The following COMMD1 variants were observed in gnomAD, a reference collection of about 807,000 sequenced individuals.
The protein encoded by COMMD1 is copper metabolism domain containing 1, also known as COMM domain-containing protein 1.
Under a neutral mutation model 17.2 loss-of-function variants are expected in COMMD1, and 10 were observed. The ratio of observed to expected loss-of-function variants is 0.58; its 90% CI spans 0.36 to 0.99. The LOEUF is 0.99. Among genes scored for constraint, COMMD1 ranks in the 50% least tolerant of loss-of-function variants. The pLI, the probability that COMMD1 is intolerant of heterozygous loss-of-function variation, is 0.01. For synonymous variants in COMMD1, 97 were observed against 91.6 expected (o/e 1.06, Z -0.34); for missense variants, 270 against 231.8 (o/e 1.17, Z -1.07).
At chr2:62,085,221 A>AT (rs36006181) in intron 2 of COMMD1, among the ~76,000 whole-genome samples, 18,290 of 144,256 alleles carry the variant, frequency 0.13, 2,286 homozygotes, top group African/African-American at 0.32. Context: ...TACAGTTTGA[A>AT]TTTTTTTTTT....
chr2:62,079,411 GC>G (rs1033202965), intron 2 of COMMD1, among the ~76,000 whole-genome samples: 1 of 152,334 alleles, frequency 6.6e-6, no homozygotes, highest in East Asian at 1.9e-4. Flanking sequence ...AATTAGGAAT[GC>G]CTTTGCTCTC....
At chr2:61,958,777 CT>C (rs1671263962) in intron 1 of COMMD1, among the ~76,000 whole-genome samples, 1 of 151,814 alleles carries the variant, frequency 6.6e-6, no homozygotes, top group Admixed American at 6.6e-5. Flanking sequence ...TTAGAGAAAA[CT>C]TTTTTCATAG....
At chr2:62,121,869 G>A (rs996566187) in intron 2 of COMMD1, among the ~76,000 whole-genome samples, 4 of 152,120 alleles carry the variant, frequency 2.6e-5, no homozygotes, top group East Asian at 1.9e-4. Context: ...ACAGCTCACT[G>A]CAGCCTCTAT....
At chr2:62,026,992 A>G (rs1669775912) in intron 2 of COMMD1, among the ~76,000 whole-genome samples, 1 of 151,876 alleles carries the variant, frequency 6.6e-6, no homozygotes, top group South Asian at 2.1e-4. Context: ...TTTGCTACTT[A>G]TTTTGATACC....
At chr2:62,055,457 A>G (rs866701007) in intron 2 of COMMD1, 1 of 455,956 alleles carries the variant, frequency 2.2e-6, no homozygotes, top group Non-Finnish European at 4.4e-6. Context: ...GCAACCAGTG[A>G]TTCACATTCT....
intron 1 of COMMD1, among the ~76,000 whole-genome samples, chr2:61,983,089 G>C (rs1254155783): frequency 6.6e-6 from 1 of 151,992 alleles, no homozygotes; most frequent in Non-Finnish European, 1.5e-5. Context: ...AATAGTTTGA[G>C]TAGGATTGGT....
intron 2 of COMMD1, among the ~76,000 whole-genome samples, chr2:62,107,442 A>G (rs1672348513): frequency 6.6e-6 from 1 of 152,164 alleles, no homozygotes; most frequent in African/African-American, 2.4e-5. Context: ...CTTGGTGAAT[A>G]TGGATGGCAG....
intron 2 of COMMD1, among the ~76,000 whole-genome samples, chr2:62,044,309 G>A (rs1449945): frequency 0.08 from 12,127 of 152,192 alleles, 1,147 homozygotes; most frequent in African/African-American, 0.23. Context: ...GTTAGTCTTC[G>A]TAACATTAGG....
intron 1 of COMMD1, among the ~76,000 whole-genome samples, chr2:61,925,144 G>A (rs1307682921): frequency 6.6e-6 from 1 of 152,036 alleles, no homozygotes; most frequent in Non-Finnish European, 1.5e-5. Context: ...TGGCAGGTTT[G>A]GGGAAAGGGA....
intron 2 of COMMD1, among the ~76,000 whole-genome samples, chr2:62,128,335 GAAAA>G (rs55646038): frequency 8.1e-6 from 1 of 124,136 alleles, no homozygotes; most frequent in Non-Finnish European, 1.7e-5. Context: ...CTAAAAAAAA[GAAAA>G]AAAAAAAACA....
chr2:62,000,931 A>G lies in COMMD1; in HGVS notation c.411A>G (p.Gln137=). ...DGKSQSRHSA[Q]IHTPVAIIEL... Reference sequence around the variant, plus strand: ...AGTCTCAGTCAAGGCACTCAGCTCAAATACACACACCTGTTGCCATTATAG... The same window carrying G: ...AGTCTCAGTCAAGGCACTCAGCTCAGATACACACACCTGTTGCCATTATAG... The change falls in exon 2 of 3, where the codon CAA becomes CAG. Residue 137 remains glutamine, a synonymous_variant. Coordinates refer to ENST00000311832, the MANE Select transcript of COMMD1 (RefSeq NM_152516.4). The G allele has an allele frequency of 1.9e-6, 3 of 1,614,160 alleles. No individual in the cohort carries two copies. Among genetic ancestry groups the G allele is most frequent in the Non-Finnish European group, 2.5e-6 (3 of 1,180,026 alleles).
intron 2 of COMMD1, among the ~76,000 whole-genome samples, chr2:62,018,089 T>C (rs1335647454): frequency 6.6e-6 from 1 of 151,878 alleles, no homozygotes; most frequent in Non-Finnish European, 1.5e-5. Flanking sequence ...GGTAAGATCA[T>C]GGGTAGCAGG....
chr2:61,951,126 C>T (rs1671041642), intron 1 of COMMD1, among the ~76,000 whole-genome samples: 1 of 152,076 alleles, frequency 6.6e-6, no homozygotes, highest in African/African-American at 2.4e-5. Context: ...TTAATGACAG[C>T]TGGGCTTTCC....
chr2:62,065,367 A>G (rs1351585103), intron 2 of COMMD1, among the ~76,000 whole-genome samples: 1 of 89,634 alleles, frequency 1.1e-5, no homozygotes, highest in Admixed American at 1.5e-4. Flanking sequence ...TTTTTTTTAG[A>G]TAGGGTCTTG....
intron 2 of COMMD1, among the ~76,000 whole-genome samples, chr2:62,022,238 G>A (rs778762132): frequency 6.6e-6 from 1 of 151,822 alleles, no homozygotes; most frequent in Non-Finnish European, 1.5e-5. Flanking sequence ...GTATACAATC[G>A]TATACAATAC....
intron 1 of COMMD1, among the ~76,000 whole-genome samples, chr2:61,944,465 A>C (rs1670853292): frequency 6.6e-6 from 1 of 152,010 alleles, no homozygotes; most frequent in South Asian, 2.1e-4. Context: ...AAAAAGAAAA[A>C]AATATAATAA....
At chr2:61,987,631 C>T (rs1476644404) in intron 1 of COMMD1, among the ~76,000 whole-genome samples, 1 of 152,206 alleles carries the variant, frequency 6.6e-6, no homozygotes, top group East Asian at 1.9e-4. Context: ...CTGGATCAGA[C>T]CTGAAGTCAG....
chr2:62,098,419 T>G (rs1486415890), intron 2 of COMMD1, among the ~76,000 whole-genome samples: 1 of 152,128 alleles, frequency 6.6e-6, no homozygotes, highest in African/African-American at 2.4e-5. Context: ...CCTCCTTTTC[T>G]TTCTTAATGA....
intron 2 of COMMD1, among the ~76,000 whole-genome samples, chr2:62,122,443 T>C (rs10205855): frequency 0.061 from 8,645 of 141,082 alleles, 687 homozygotes; most frequent in African/African-American, 0.19. Flanking sequence ...TTCTTTCTTT[T>C]CTTTTTTTTT....
Sources: gnomAD v4.1 joint callset for allele counts (sites outside exome capture counted in the v4.1 genomes callset) on GRCh38, gnomAD v4.1.1 for gene constraint, MANE v1.5 for transcripts, NCBI Gene and HGNC (gene_info 2026-07-23, HGNC 2026-07-21) for gene names.